RALA: variants seen among roughly 807,000 people sequenced by gnomAD.
RALA encodes ras-related protein Ral-A.
Under a neutral mutation model 24.0 loss-of-function variants are expected in RALA, and 5 were observed. The ratio of observed to expected loss-of-function variants is 0.21; its 90% confidence interval spans 0.11 to 0.44. RALA has a LOEUF of 0.44. Among genes scored for constraint, RALA ranks in the 20% least tolerant of loss-of-function variants. The probability of loss-of-function intolerance (pLI) is 0.99; values close to 1 mark genes in which losing one functional copy is unlikely to be tolerated. For missense variants in RALA, 95 were observed against 241.2 expected (o/e 0.39, Z 4.01); for synonymous variants, 77 against 83.8 (o/e 0.92, Z 0.44).
chr7:39,645,603 G>GTA (rs1164599569), intron 1 of RALA, among the ~76,000 whole-genome samples: 1 of 152,144 alleles, frequency 6.6e-6, no homozygotes, highest in Non-Finnish European at 1.5e-5. Flanking sequence ...AGACAGTGTG[G>GTA]TATAGTGACA....
At chr7:39,692,319 C>T (rs761525259) in intron 3 of RALA, among the ~76,000 whole-genome samples, 1 of 152,170 alleles carries the variant, frequency 6.6e-6, no homozygotes, top group Admixed American at 6.5e-5. Context: ...CCTTTCCTGT[C>T]TCAGTATCCC....
At chr7:39,673,083 G>C (rs189947176) in intron 1 of RALA, among the ~76,000 whole-genome samples, 1 of 152,276 alleles carries the variant, frequency 6.6e-6, no homozygotes, top group African/African-American at 2.4e-5. Flanking sequence ...AGCTACTCAG[G>C]AGGCTGAGGT....
chr7:39,653,614 A>T (rs1018862906), intron 1 of RALA, among the ~76,000 whole-genome samples: 4 of 152,198 alleles, frequency 2.6e-5, no homozygotes, highest in African/African-American at 9.6e-5. Flanking sequence ...TTTATTTAGA[A>T]TTTATTTATT....
chr7:39,702,588 A>G (rs2115559720), intron 4 of RALA, among the ~76,000 whole-genome samples: 1 of 152,346 alleles, frequency 6.6e-6, no homozygotes, highest in Non-Finnish European at 1.5e-5. Flanking sequence ...AGTGTTCACA[A>G]TAGCCAAGAT....
Position 39,706,132 on chromosome 7 carries a change from G to T in RALA, c.508G>T (p.Asp170Tyr), listed in dbSNP as rs1276921611. ...TTTTTTTTCTTTCTAGGTATTTTTT[G>T]ATTTAATGAGAGAAATTCGAGCGAG... ...TRANVDKVFF[D>Y]LMREIRARKM... is the part of the protein sequence containing the mutation. Residue 170 changes from aspartate (D) to tyrosine (Y), a missense_variant, in exon 5 of 5, where the codon GAT becomes TAT. Physicochemically the swap from Asp to Tyr is radical, Grantham distance 160 (BLOSUM62 -3). Transcript: ENST00000005257. 13 of 1,596,518 alleles carry T rather than the reference G, an allele frequency of 8.1e-6. No individual in the cohort carries two copies. Among genetic ancestry groups the T allele is most frequent in the Non-Finnish European group, 1.1e-5 (13 of 1,172,660 alleles).
chr7:39,685,387 G>C (rs1792679638), intron 1 of RALA, among the ~76,000 whole-genome samples: 1 of 152,220 alleles, frequency 6.6e-6, no homozygotes. Context: ...ACAGGAGGGG[G>C]CGTGGTTCTG....
At chr7:39,643,668 C>G (rs1195855597) in intron 1 of RALA, among the ~76,000 whole-genome samples, 2 of 135,384 alleles carry the variant, frequency 1.5e-5, no homozygotes, top group East Asian at 2.2e-4. Context: ...CCAGCCCGGC[C>G]TACATATCAA....
At chr7:39,633,528 C>T (rs1479675425) in intron 1 of RALA, among the ~76,000 whole-genome samples, 1 of 152,212 alleles carries the variant, frequency 6.6e-6, no homozygotes, top group Non-Finnish European at 1.5e-5. Context: ...GAGGAAACTG[C>T]TTCCATGATC....
At position 39,631,868 on chromosome 7, in the gene RALA, G is replaced by A. The variant is rs1002901580; in HGVS notation, c.-38+8043G>A. Reference sequence around the variant, plus strand: ...GTGACTGGGTAATTCATAAAGGAAAGAGATTTGTTTGGCTTACGGTTCTGC... The same window carrying A: ...GTGACTGGGTAATTCATAAAGGAAAAAGATTTGTTTGGCTTACGGTTCTGC... On this transcript the variant is annotated intron_variant, in intron 1 of 4. Coordinates refer to ENST00000005257, the MANE Select transcript of RALA (RefSeq NM_005402.4). 2.6e-5 allele frequency among the ~76,000 whole-genome samples: 4 copies of A among 152,320 alleles called. No homozygotes were observed. The East Asian group carries it at 5.8e-4, about 22-fold the overall frequency.
At chr7:39,676,750 T>G (rs1792493399) in intron 1 of RALA, among the ~76,000 whole-genome samples, 1 of 152,216 alleles carries the variant, frequency 6.6e-6, no homozygotes, top group Admixed American at 6.5e-5. Flanking sequence ...AGAGTATTCC[T>G]TAGTAAGTAT....
At chr7:39,627,662 G>A (rs929152080) in intron 1 of RALA, among the ~76,000 whole-genome samples, 1 of 152,174 alleles carries the variant, frequency 6.6e-6, no homozygotes, top group African/African-American at 2.4e-5. Flanking sequence ...GTTTTCTTAT[G>A]TAGTTGAGAA....
chr7:39,682,963 A>G (rs950194079), intron 1 of RALA, among the ~76,000 whole-genome samples: 6 of 152,098 alleles, frequency 3.9e-5, no homozygotes, highest in Non-Finnish European at 8.8e-5. Context: ...TTAATCCCCA[A>G]ATTCATATGT....
intron 1 of RALA, among the ~76,000 whole-genome samples, chr7:39,670,658 C>A (rs551807802): frequency 6.6e-6 from 1 of 152,096 alleles, no homozygotes; most frequent in South Asian, 2.1e-4. Context: ...ATTTTGAAAA[C>A]ACAGGGGTTT....
intron 1 of RALA, among the ~76,000 whole-genome samples, chr7:39,678,789 G>T (rs1161960083): frequency 2.0e-5 from 3 of 152,040 alleles, no homozygotes; most frequent in African/African-American, 7.2e-5. Flanking sequence ...TTGCAGTTTT[G>T]CCAAGTAGAA....
intron 1 of RALA, among the ~76,000 whole-genome samples, chr7:39,682,801 C>A (rs1792629605): frequency 6.6e-6 from 1 of 152,176 alleles, no homozygotes; most frequent in South Asian, 2.1e-4. Flanking sequence ...TGCCACCACA[C>A]CCCACTAATT....
At chr7:39,638,908 G>A (rs1404509183) in intron 1 of RALA, among the ~76,000 whole-genome samples, 4 of 152,142 alleles carry the variant, frequency 2.6e-5, no homozygotes, top group Non-Finnish European at 1.5e-5. Flanking sequence ...TGGGTTGTAT[G>A]GTACATTTAT....
Position 39,632,889 on chromosome 7 carries a change from T to C in RALA, c.-38+9064T>C, listed in dbSNP as rs117245613. ...GTGGTAAGAAGCAGGAAAGGTCAAC[T>C]TTCCTAGTGCATGGTAGGAAAATAC... On this transcript the variant is annotated intron_variant, in intron 1 of 4. Transcript: ENST00000005257. Among the ~76,000 whole-genome samples, 970 of 152,346 alleles carry C rather than the reference T, an allele frequency of 6.4e-3. 4 individuals carry two copies. Among genetic ancestry groups the C allele is most frequent in the Middle Eastern group, 0.014 (4 of 294 alleles).
At chr7:39,704,885 A>G (rs376590275) in intron 4 of RALA, among the ~76,000 whole-genome samples, 6 of 152,188 alleles carry the variant, frequency 3.9e-5, no homozygotes, top group African/African-American at 1.4e-4. Flanking sequence ...CATGTTGGCC[A>G]GGGTAGTCTA....
At chr7:39,682,269 G>A (rs571265748) in intron 1 of RALA, among the ~76,000 whole-genome samples, 68 of 152,270 alleles carry the variant, frequency 4.5e-4, no homozygotes, top group Admixed American at 4.3e-3. Context: ...CTCAGTATAG[G>A]TGGTATTAGT....
Sources: gnomAD v4.1 joint callset for allele counts (sites outside exome capture counted in the v4.1 genomes callset) on GRCh38, gnomAD v4.1.1 for gene constraint, MANE v1.5 for transcripts, NCBI Gene and HGNC (gene_info 2026-07-23, HGNC 2026-07-21) for gene names.